Variants in LPIN1 observed in about 807,000 individuals in gnomAD.
LPIN1 encodes the protein phosphatidate phosphatase LPIN1.
LPIN1 carries 71 observed loss-of-function variants against 107.5 expected under a neutral mutation model. The ratio of observed to expected loss-of-function variants is 0.66; its 90% confidence interval spans 0.55 to 0.80. LPIN1 has a LOEUF of 0.80. LPIN1 is among the 30% of genes least tolerant of loss of function. The probability of loss-of-function intolerance (pLI) is 0.00; values close to 1 mark genes in which losing one functional copy is unlikely to be tolerated. For synonymous variants in LPIN1, 445 were observed against 452.6 expected, an observed-to-expected ratio of 0.98 and a Z score of 0.21; for missense variants, 1,043 against 1,160.6, an observed-to-expected ratio of 0.90 and a Z score of 1.47.
Position 11,735,200 on chromosome 2 carries a change from G to A in LPIN1, c.-71-6149G>A, listed in dbSNP as rs144391895. ...CCAGCTACTTGGGAGGCTGAGGCAG[G>A]AGAATTGCTTGAGCCTGGGAGGCAG... On this transcript the variant is annotated intron_variant, in intron 1 of 21. Coordinates refer to the LPIN1 transcript ENST00000396097. Among the ~76,000 whole-genome samples the A allele has an allele frequency of 6.0e-3, 912 of 151,934 alleles. 5 individuals are homozygous for A. The highest frequency in any genetic ancestry group is 0.041 in the Middle Eastern group (12 of 292).
chr2:11,715,966 G>A (rs540314403), intron 2 of LPIN1, among the ~76,000 whole-genome samples: 44 of 152,290 alleles, frequency 2.9e-4, no homozygotes, highest in Non-Finnish European at 1.5e-4. Context: ...AGTCCTGTGA[G>A]AGTACAGCTA....
At chr2:11,702,923 C>G (rs1310374901) in intron 1 of LPIN1, among the ~76,000 whole-genome samples, 1 of 152,210 alleles carries the variant, frequency 6.6e-6, no homozygotes, top group East Asian at 1.9e-4. Flanking sequence ...TATCTCGCAC[C>G]TTATCTTCCC....
Position 11,699,984 on chromosome 2 carries a change from T to C in LPIN1, c.82-13772T>C, listed in dbSNP as rs552911257. Among the ~76,000 whole-genome samples the C allele has an allele frequency of 3.9e-5, 6 of 152,276 alleles. No homozygotes were observed. In the South Asian group the frequency reaches 1.0e-3, roughly 26 times the overall value. ...TACCCACAGCATTTGGAGAACTAAATGAATTGACTCTGGGAAGCACCTGGC... is the reference window on the plus strand; with the variant it reads ...TACCCACAGCATTTGGAGAACTAAACGAATTGACTCTGGGAAGCACCTGGC... On this transcript the variant is annotated intron_variant, in intron 1 of 21. Transcript: ENST00000449576.
intron 2 of LPIN1, among the ~76,000 whole-genome samples, chr2:11,715,823 G>T (rs75312938): frequency 0.074 from 11,221 of 152,088 alleles, 1,017 homozygotes; most frequent in African/African-American, 0.21. Context: ...GGAGGAGGAT[G>T]GGTACCGATG....
chr2:11,773,644 A>T lies in LPIN1; in HGVS notation c.621A>T (p.Pro207=). 6.2e-7 allele frequency: 1 copy of T among 1,610,624 alleles called. No homozygotes were observed. The highest frequency in any genetic ancestry group is 1.7e-4 in the Middle Eastern group (1 of 6,046). ...SSRTLPNDIP[P]FQDDIPEENL... ...GAACTCTTCCTAATGATATACCTCC[A>T]TTCCAAGATGATATTCCTGAGGAAA... The change falls in exon 5 of 21, where the codon CCA becomes CCT. Residue 207 remains proline (P), a synonymous_variant. Transcript: ENST00000674199.
chr2:11,764,065 T>G (rs1015642267), intron 1 of LPIN1: 1 of 83,542 alleles, frequency 1.2e-5, no homozygotes, highest in Non-Finnish European at 2.3e-5. Context: ...TGTGTGTGTG[T>G]GTGTGTGTGT....
upstream of LPIN1, chr2:11,746,615 A>C (rs1348364124): frequency 1.0e-6 from 1 of 985,280 alleles, no homozygotes; most frequent in Non-Finnish European, 1.2e-6. Context: ...CTGCGCTGAC[A>C]GCCGGCGGCG....
At chr2:11,791,639 CT>C (rs1027942191) in intron 12 of LPIN1, 3 of 1,278,032 alleles carry the variant, frequency 2.3e-6, no homozygotes, top group East Asian at 4.8e-5. Flanking sequence ...CTAATGCTTT[CT>C]TTTTTTGTTG....
intron 1 of LPIN1, among the ~76,000 whole-genome samples, chr2:11,705,150 C>G (rs892856453): frequency 1.3e-5 from 2 of 152,214 alleles, no homozygotes; most frequent in Admixed American, 1.3e-4. Context: ...TAAATAGTAG[C>G]CTGAAATGCA....
At chr2:11,781,540 G>C (rs1402645703) in intron 7 of LPIN1, among the ~76,000 whole-genome samples, 3 of 152,200 alleles carry the variant, frequency 2.0e-5, no homozygotes, top group Admixed American at 2.0e-4. Flanking sequence ...TCCCTCTGGC[G>C]GTAGAATCAG....
At chr2:11,818,861 TA>T (rs1415123253) in intron 18 of LPIN1, 1 of 152,138 alleles carries the variant, frequency 6.6e-6, no homozygotes, top group Non-Finnish European at 1.5e-5. Context: ...TTAAGTATTT[TA>T]AAAAATGAAT....
In LPIN1 at chr2:11,814,651, G is replaced by A. The variant is rs1465900561; in HGVS notation, c.2250-437G>A. ...AAAGAGAGGAGGAATTTGATGGGGT[G>A]TGTGTAGGGGCGAATGAAGCAAATG... On this transcript the variant is annotated intron_variant, in intron 17 of 20. Transcript: ENST00000674199. Among the ~76,000 whole-genome samples the A allele has an allele frequency of 4.6e-5, 7 of 152,064 alleles. No homozygotes were observed. In the East Asian group the frequency reaches 1.4e-3, roughly 29 times the overall value.
chr2:11,677,680 C>T, exon 1 of LPIN1: 1 of 1,535,754 alleles, frequency 6.5e-7, no homozygotes, highest in Non-Finnish European at 8.7e-7. Flanking sequence ...GCAGCTCCAG[C>T]TGGGAGACCT....
At chr2:11,685,218 G>A (rs1572300475) in intron 1 of LPIN1, among the ~76,000 whole-genome samples, 1 of 152,328 alleles carries the variant, frequency 6.6e-6, no homozygotes, top group African/African-American at 2.4e-5. Context: ...AAGCATCTTG[G>A]CAGGTTTGAG....
At chr2:11,708,025 G>A (rs966799634) in intron 1 of LPIN1, among the ~76,000 whole-genome samples, 2 of 152,128 alleles carry the variant, frequency 1.3e-5, no homozygotes, top group South Asian at 2.1e-4. Flanking sequence ...TTTCACATCA[G>A]ATCCGCATCC....
chr2:11,730,769 T>C (rs1665109789), intron 1 of LPIN1, among the ~76,000 whole-genome samples: 1 of 152,214 alleles, frequency 6.6e-6, no homozygotes, highest in South Asian at 2.1e-4. Context: ...CAGCCGTCAC[T>C]TCCTGCGGAA....
In LPIN1 at chr2:11,746,689, C is replaced by T; in HGVS notation, c.-10+18C>T. On this transcript the variant is annotated intron_variant, in intron 1 of 20. Coordinates refer to ENST00000674199, the MANE Select transcript of LPIN1 (RefSeq NM_001349206.2). Reference sequence around the variant, plus strand: ...GCCGCTCGGTGAGTAGCCGCCGCCTCCAGCCTCCCGCTGTGGAGCAGGGGC... The same window carrying T: ...GCCGCTCGGTGAGTAGCCGCCGCCTTCAGCCTCCCGCTGTGGAGCAGGGGC... 2 of 983,130 alleles carry T rather than the reference C, an allele frequency of 2.0e-6. No individual in the cohort carries two copies. Among genetic ancestry groups the T allele is most frequent in the Non-Finnish European group, 2.4e-6 (2 of 827,992 alleles). The allele number at this position is 983,130 out of a possible 1,614,324, so 60.9% of individuals were successfully genotyped here.
intron 1 of LPIN1, among the ~76,000 whole-genome samples, chr2:11,711,478 G>A (rs1341718668): frequency 1.3e-5 from 2 of 152,138 alleles, no homozygotes; most frequent in Admixed American, 1.3e-4. Context: ...TGTCTTAAAG[G>A]AAAATCTATC....
In LPIN1 at chr2:11,784,942, A is replaced by G; in HGVS notation, c.1415A>G (p.Asn472Ser). ...AGCGACAACGGAGCCCGGTCAGCCA[A>G]CCAGTCCCCGCAGTCGGTGGGCAGC... ...HASDNGARSA[N>S]QSPQSVGSSG... Residue 472 changes from asparagine (N) to serine (S), a missense_variant, in exon 10 of 21, where the codon AAC (asparagine) becomes AGC (serine). By Grantham distance (46) the Asn-to-Ser change is conservative. Coordinates refer to ENST00000674199, the MANE Select transcript of LPIN1 (RefSeq NM_001349206.2). 1 of 1,613,958 alleles carries G rather than the reference A, an allele frequency of 6.2e-7. No homozygotes were observed. The highest frequency in any genetic ancestry group is 8.5e-7 in the Non-Finnish European group (1 of 1,180,002).
Sources: gnomAD v4.1 joint callset for allele counts (sites outside exome capture counted in the v4.1 genomes callset) on GRCh38, gnomAD v4.1.1 for gene constraint, MANE v1.5 for transcripts, NCBI Gene and HGNC (gene_info 2026-07-23, HGNC 2026-07-21) for gene names.